The following FXR1 variants were observed in gnomAD, a reference collection of about 807,000 sequenced individuals.
FXR1 encodes RNA-binding protein FXR1.
In FXR1, 15 loss-of-function variants were observed where a neutral mutation model predicts 84.0. That is an observed-to-expected ratio of 0.18 (90% confidence interval 0.12 to 0.27). The LOEUF is 0.27. Among genes scored for constraint, FXR1 ranks in the 10% least tolerant of loss-of-function variants. The probability of loss-of-function intolerance (pLI) is 1.00; values close to 1 mark genes in which losing one functional copy is unlikely to be tolerated. For synonymous variants in FXR1, 245 were observed against 250.7 expected (o/e 0.98, Z 0.21); for missense variants, 480 against 774.4 (o/e 0.62, Z 4.51).
intron 15 of FXR1, 61 bp downstream of exon 15, chr3:180,970,419 T>TATATATATAA: frequency 3.8e-6 from 1 of 261,244 alleles, no homozygotes; most frequent in Non-Finnish European, 7.0e-6. Flanking sequence ...TATATATATA[T>TATATATATAA]ATAATTGTAA....
intron 1 of FXR1, among the ~76,000 whole-genome samples, chr3:180,916,838 A>C (rs1375085172): frequency 6.6e-6 from 1 of 151,908 alleles, no homozygotes; most frequent in Admixed American, 6.6e-5. Flanking sequence ...GTAGAGTTAC[A>C]TTTTTTTGTT....
chr3:180,959,621 A>AT (rs1016643595), intron 10 of FXR1, among the ~76,000 whole-genome samples: 5 of 151,966 alleles, frequency 3.3e-5, no homozygotes, highest in African/African-American at 1.2e-4. Flanking sequence ...TGTGCTTAAG[A>AT]TTTTTTTAGG....
At chr3:180,937,316 C>T (rs895883456) in intron 3 of FXR1, among the ~76,000 whole-genome samples, 2 of 151,618 alleles carry the variant, frequency 1.3e-5, no homozygotes, top group African/African-American at 2.4e-5. Context: ...AAATTGGTAG[C>T]GTCAAGTCTC....
intron 1 of FXR1, 161 bp from the exon 2 acceptor site, chr3:180,933,172 AT>A (rs1720134937): frequency 3.5e-6 from 2 of 572,538 alleles, no homozygotes; most frequent in Admixed American, 3.6e-5. Flanking sequence ...TTAAAAGATC[AT>A]GTGTCTCATA....
chr3:180,931,831 C>T (rs1160578292), intron 1 of FXR1, among the ~76,000 whole-genome samples: 3 of 148,920 alleles, frequency 2.0e-5, no homozygotes, highest in African/African-American at 7.4e-5. Flanking sequence ...ACCTCTGCCT[C>T]CCAGGCTCAA....
At chr3:180,939,262 G>A (rs1036475929) in intron 3 of FXR1, among the ~76,000 whole-genome samples, 4 of 152,188 alleles carry the variant, frequency 2.6e-5, no homozygotes, top group South Asian at 4.2e-4. Context: ...ATACCGGTGG[G>A]GGGGTGTGGG....
intron 14 of FXR1, among the ~76,000 whole-genome samples, chr3:180,969,138 TGTTTA>T (rs1029499279): frequency 6.6e-5 from 10 of 152,190 alleles, no homozygotes; most frequent in African/African-American, 2.4e-4. Context: ...GTTCTTTGTT[TGTTTA>T]GATTTTCTCC....
chr3:180,966,965 T>C (rs945216966), intron 13 of FXR1, among the ~76,000 whole-genome samples: 7 of 152,210 alleles, frequency 4.6e-5, no homozygotes, highest in African/African-American at 2.4e-5. Flanking sequence ...ATTATATCTT[T>C]GTGGTGTTTA....
chr3:180,937,677 A>G (rs1352617064), intron 3 of FXR1, among the ~76,000 whole-genome samples: 1 of 152,142 alleles, frequency 6.6e-6, no homozygotes, highest in East Asian at 1.9e-4. Flanking sequence ...TGCCACCCAT[A>G]GGATTTTGTT....
intron 3 of FXR1, among the ~76,000 whole-genome samples, chr3:180,937,752 T>A (rs1720688561): frequency 6.6e-6 from 1 of 152,192 alleles, no homozygotes; most frequent in Non-Finnish European, 1.5e-5. Flanking sequence ...TCGGAGTTAG[T>A]GCTTTCCCAG....
At chr3:180,945,744 A>T (rs1403366770) in intron 3 of FXR1, among the ~76,000 whole-genome samples, 2 of 152,180 alleles carry the variant, frequency 1.3e-5, no homozygotes, top group Non-Finnish European at 2.9e-5. Context: ...ATACTGTCAT[A>T]TACCCTTTTA....
In FXR1 at chr3:180,976,936, CAT is replaced by C. The variant is rs1389140978; in HGVS notation, c.*646_*647del. ...AAGTGTACAGTATTTAAAAATCAAA[CAT>C]AGCTTTAGTTAAAACACTAAGCTGA... On this transcript the variant is annotated 3_prime_UTR_variant, in exon 17 of 17. Coordinates refer to ENST00000357559, the MANE Select transcript of FXR1 (RefSeq NM_005087.4). 1.3e-5 allele frequency: 2 copies of C among 152,574 alleles called. No homozygotes were observed. The highest frequency in any genetic ancestry group is 4.8e-5 in the African/African-American group (2 of 41,438). The allele number at this position is 152,574 out of a possible 1,614,324, so 9.5% of individuals were successfully genotyped here. A position where few individuals can be genotyped will look rare whatever the true frequency, so the allele number is the denominator to read the frequency against.
intron 2 of FXR1, 62 bp from the exon 3 acceptor site, chr3:180,935,076 T>C (rs763813567): frequency 1.4e-6 from 1 of 710,534 alleles, no homozygotes; most frequent in Non-Finnish European, 2.5e-6. Context: ...TGAAAAAATA[T>C]GCAACACCAG....
At position 180,965,555 on chromosome 3, in the gene FXR1, C is replaced by T. The variant is rs148619198; in HGVS notation, c.1198+2465C>T. Reference sequence around the variant, plus strand: ...GGCTAAAATCTTGTCAGCTGGGCTACGTTTCTTTCTGGAAAGTCTAGCGGG... The same window carrying T: ...GGCTAAAATCTTGTCAGCTGGGCTATGTTTCTTTCTGGAAAGTCTAGCGGG... On this transcript the variant is annotated intron_variant, in intron 13 of 16. Coordinates refer to ENST00000357559, the MANE Select transcript of FXR1 (RefSeq NM_005087.4). Among the ~76,000 whole-genome samples, 40 of 152,248 alleles carry T rather than the reference C, an allele frequency of 2.6e-4. No homozygotes were observed. The East Asian group carries it at 7.2e-3, about 27-fold the overall frequency.
At chr3:180,928,899 A>G (rs1397285523) in intron 1 of FXR1, among the ~76,000 whole-genome samples, 2 of 149,556 alleles carry the variant, frequency 1.3e-5, no homozygotes, top group African/African-American at 4.9e-5. Flanking sequence ...CCCTACTTTC[A>G]TTTTACACTT....
intron 15 of FXR1, among the ~76,000 whole-genome samples, chr3:180,974,590 A>G (rs925410583): frequency 2.0e-5 from 3 of 152,168 alleles, no homozygotes; most frequent in Non-Finnish European, 4.4e-5. Flanking sequence ...CACTACTGCC[A>G]CTTCTTTGCA....
chr3:180,953,662 A>G (rs1722453968), intron 8 of FXR1, 100 bp from the exon 9 acceptor site: 1 of 662,008 alleles, frequency 1.5e-6, no homozygotes, highest in Non-Finnish European at 2.7e-6. Flanking sequence ...GTAGAACATA[A>G]TCATTCAGAA....
intron 1 of FXR1, among the ~76,000 whole-genome samples, chr3:180,924,664 GT>G (rs1406407566): frequency 6.6e-6 from 1 of 151,930 alleles, no homozygotes; most frequent in East Asian, 2.0e-4. Context: ...ACCAATTTTT[GT>G]ATTTTTAGTA....
In FXR1 at chr3:180,955,097, C is replaced by T. The variant is rs188825311; in HGVS notation, c.880+1257C>T. Among the ~76,000 whole-genome samples the T allele has an allele frequency of 2.5e-3, 379 of 150,552 alleles. 2 individuals carry two copies. The highest frequency in any genetic ancestry group is 4.2e-3 in the Non-Finnish European group (286 of 67,812). On this transcript the variant is annotated intron_variant, in intron 9 of 16. Coordinates refer to ENST00000357559, the MANE Select transcript of FXR1 (RefSeq NM_005087.4). ...GCAACCTCTGCCTCCTGGGTTCAAG[C>T]GATTCTACTGCCTCAGCCTCCCAAG... is the stretch of plus-strand genomic sequence containing the variant.
Sources: gnomAD v4.1 joint callset for allele counts (sites outside exome capture counted in the v4.1 genomes callset) on GRCh38, gnomAD v4.1.1 for gene constraint, MANE v1.5 for transcripts, NCBI Gene and HGNC (gene_info 2026-07-23, HGNC 2026-07-21) for gene names.